PRKCA: variants seen among roughly 807,000 people sequenced by gnomAD.
PRKCA encodes protein kinase C alpha, also known as protein kinase C alpha type.
A neutral mutation model predicts 87.0 loss-of-function variants in PRKCA; 27 were observed. The ratio of observed to expected loss-of-function variants is 0.31; its 90% CI spans 0.23 to 0.43. The LOEUF (loss-of-function observed/expected upper bound fraction) is 0.43, where lower values mean the gene tolerates loss of function less well. Ranked by LOEUF, PRKCA falls within the 20% of genes least tolerant of loss-of-function variation. The probability of loss-of-function intolerance (pLI) is 1.00; values close to 1 mark genes in which losing one functional copy is unlikely to be tolerated. For missense variants in PRKCA, 518 were observed against 852.3 expected (o/e 0.61, Z 4.88); for synonymous variants, 329 against 311.1 (o/e 1.06, Z -0.61).
chr17:66,791,051 G>C (rs1975522532), intron 16 of PRKCA, among the ~76,000 whole-genome samples: 2 of 151,442 alleles, frequency 1.3e-5, no homozygotes, highest in African/African-American at 2.4e-5. Flanking sequence ...ACAATGTGCA[G>C]GTTTGTTACA....
intron 3 of PRKCA, among the ~76,000 whole-genome samples, chr17:66,618,897 A>C (rs1288800222): frequency 6.6e-6 from 1 of 151,284 alleles, no homozygotes; most frequent in Non-Finnish European, 1.5e-5. Flanking sequence ...TTATTCACCT[A>C]CCCATTGATT....
At chr17:66,752,313 G>T (rs141177250) in intron 13 of PRKCA, among the ~76,000 whole-genome samples, 2,258 of 152,298 alleles carry the variant, frequency 0.015, 29 homozygotes, top group Non-Finnish European at 0.021. Flanking sequence ...AATCACGTTG[G>T]GCTGGGCGTG....
At chr17:66,322,066 T>C (rs1457252591) in intron 2 of PRKCA, among the ~76,000 whole-genome samples, 1 of 152,230 alleles carries the variant, frequency 6.6e-6, no homozygotes, top group Non-Finnish European at 1.5e-5. Flanking sequence ...TCACTCTGGG[T>C]GAGGTCAGCC....
chr17:66,396,826 ATTG>A (rs1018524524), intron 2 of PRKCA, among the ~76,000 whole-genome samples: 13 of 149,326 alleles, frequency 8.7e-5, no homozygotes, highest in African/African-American at 3.2e-4. Flanking sequence ...TTCACCCTCT[ATTG>A]TTGTTTTTTA....
chr17:66,616,776 A>T (rs1970528173), intron 3 of PRKCA, among the ~76,000 whole-genome samples: 1 of 152,166 alleles, frequency 6.6e-6, no homozygotes, highest in Admixed American at 6.5e-5. Context: ...AGAGGAATCC[A>T]AGTGGGAGAA....
At chr17:66,375,769 A>G (rs1909383122) in intron 2 of PRKCA, among the ~76,000 whole-genome samples, 1 of 152,170 alleles carries the variant, frequency 6.6e-6, no homozygotes, top group Admixed American at 6.6e-5. Flanking sequence ...ATAAATATAT[A>G]AAGATACAGA....
intron 3 of PRKCA, among the ~76,000 whole-genome samples, chr17:66,614,613 C>A (rs1048682414): frequency 6.6e-6 from 1 of 152,102 alleles, no homozygotes; most frequent in Non-Finnish European, 1.5e-5. Flanking sequence ...ACTACATGGG[C>A]CTCAGTTTCC....
chr17:66,374,686 GTGTC>G (rs1909316471), intron 2 of PRKCA, among the ~76,000 whole-genome samples: 3 of 150,260 alleles, frequency 2.0e-5, no homozygotes, highest in Admixed American at 2.0e-4. Flanking sequence ...ACTTGACTGA[GTGTC>G]TGCTAAGTGC....
chr17:66,728,775 G>C (rs1973815520), intron 8 of PRKCA, among the ~76,000 whole-genome samples: 1 of 152,220 alleles, frequency 6.6e-6, no homozygotes, highest in Non-Finnish European at 1.5e-5. Context: ...CTGTGGTGGT[G>C]ACTTGTCAAA....
intron 2 of PRKCA, among the ~76,000 whole-genome samples, chr17:66,461,400 G>T (rs1280008087): frequency 6.6e-6 from 1 of 152,122 alleles, no homozygotes; most frequent in East Asian, 1.9e-4. Context: ...TTAAGCACAG[G>T]TATGTAATTT....
At chr17:66,797,531 G>C (rs747618022) in intron 16 of PRKCA, among the ~76,000 whole-genome samples, 55 of 152,152 alleles carry the variant, frequency 3.6e-4, no homozygotes, top group Non-Finnish European at 5.7e-4. Context: ...CCCTATGTCT[G>C]TCCTGCCTCC....
At chr17:66,513,225 AG>A (rs1917323977) in intron 3 of PRKCA, among the ~76,000 whole-genome samples, 1 of 152,162 alleles carries the variant, frequency 6.6e-6, no homozygotes, top group African/African-American at 2.4e-5. Context: ...TGCACAAGGG[AG>A]ATGAAAGATC....
intron 3 of PRKCA, among the ~76,000 whole-genome samples, chr17:66,525,818 C>T (rs939141822): frequency 6.6e-6 from 1 of 152,166 alleles, no homozygotes; most frequent in Non-Finnish European, 1.5e-5. Context: ...CAGGGCCACT[C>T]CATACTCTTC....
At chr17:66,562,304 C>T (rs986078621) in intron 3 of PRKCA, among the ~76,000 whole-genome samples, 1 of 150,456 alleles carries the variant, frequency 6.6e-6, no homozygotes, top group African/African-American at 2.4e-5. Context: ...TAGGAGCTCT[C>T]TGCCCTAATT....
Position 66,803,732 on chromosome 17 carries a change from C to A in PRKCA, c.1855-141C>A. The A allele has an allele frequency of 8.6e-7, 1 of 1,159,774 alleles. No homozygotes were observed. The highest frequency in any genetic ancestry group is 1.2e-6 in the Non-Finnish European group (1 of 838,836). The allele number at this position is 1,159,774 out of a possible 1,614,324, so 71.8% of individuals were successfully genotyped here. On this transcript the variant is annotated intron_variant, in intron 16 of 16. Coordinates refer to ENST00000413366, the MANE Select transcript of PRKCA (RefSeq NM_002737.3). The surrounding 1 kb of genome is among the most constrained non-coding windows in gnomAD (Gnocchi z 4.4). ...TGCCTGGCTTTTCAATCCAATAGGC[C>A]TGCAAGTCCTCCGAGATTCCTCCTC...
At chr17:66,409,408 G>A (rs1437813166) in intron 2 of PRKCA, among the ~76,000 whole-genome samples, 1 of 152,090 alleles carries the variant, frequency 6.6e-6, no homozygotes, top group East Asian at 1.9e-4. Flanking sequence ...TGATGAATTA[G>A]CATTTATGAT....
chr17:66,733,934 T>C (rs1391335308), intron 9 of PRKCA, among the ~76,000 whole-genome samples: 1 of 152,230 alleles, frequency 6.6e-6, no homozygotes, highest in South Asian at 2.1e-4. Flanking sequence ...CAGAAAAGAA[T>C]GTTTGTAAGG....
intron 8 of PRKCA, among the ~76,000 whole-genome samples, chr17:66,709,018 G>A (rs753242063): frequency 3.9e-5 from 6 of 152,174 alleles, no homozygotes; most frequent in Non-Finnish European, 8.8e-5. Flanking sequence ...TAAAAGAGAT[G>A]CAAAACTCAT....
At chr17:66,704,866 T>C (rs1428603456) in intron 8 of PRKCA, among the ~76,000 whole-genome samples, 1 of 152,256 alleles carries the variant, frequency 6.6e-6, no homozygotes, top group Admixed American at 6.5e-5. Context: ...AGCATTTTTC[T>C]CTTTTATCAG....
Sources: allele counts gnomAD v4.1 joint callset (sites outside exome capture counted in the v4.1 genomes callset), GRCh38; gene constraint gnomAD v4.1.1; non-coding constraint Gnocchi (gnomAD v3.1); transcripts MANE v1.5; gene names NCBI Gene and HGNC (gene_info 2026-07-23, HGNC 2026-07-21).